Variants in MYO3B observed in about 807,000 individuals in gnomAD.
MYO3B encodes the protein myosin-IIIb.
Under a neutral mutation model 174.6 loss-of-function variants are expected in MYO3B, and 156 were observed. That is an observed-to-expected ratio of 0.89 (90% CI 0.78 to 1.02). MYO3B has a LOEUF of 1.02. MYO3B is among the 50% of genes least tolerant of loss of function. The pLI, the probability that MYO3B is intolerant of heterozygous loss-of-function variation, is 0.00. For missense variants in MYO3B, 1,632 were observed against 1,639.4 expected (o/e 1.00, Z 0.08); for synonymous variants, 563 against 569.1 (o/e 0.99, Z 0.15).
intron 25 of MYO3B, among the ~76,000 whole-genome samples, chr2:170,496,533 A>G (rs1387787424): frequency 2.0e-5 from 3 of 151,116 alleles, no homozygotes; most frequent in Admixed American, 6.6e-5. Context: ...ATGCCTTGCA[A>G]GTTTTCTAAA....
chr2:170,593,143 G>A (rs1693924455), intron 32 of MYO3B, among the ~76,000 whole-genome samples: 1 of 152,068 alleles, frequency 6.6e-6, no homozygotes, highest in African/African-American at 2.4e-5. Context: ...TGTTGCCCAG[G>A]GTGGAGTGTA....
At chr2:170,390,030 T>C (rs951957467) in intron 14 of MYO3B, among the ~76,000 whole-genome samples, 5 of 152,192 alleles carry the variant, frequency 3.3e-5, no homozygotes, top group Non-Finnish European at 7.3e-5. Flanking sequence ...GTATAGTGCC[T>C]ACCGTGACTG....
At chr2:170,187,792 G>A (rs972282622) in intron 1 of MYO3B, among the ~76,000 whole-genome samples, 12 of 152,014 alleles carry the variant, frequency 7.9e-5, no homozygotes, top group Admixed American at 7.9e-4. Flanking sequence ...AATTCCTATT[G>A]TTACTGATTT....
chr2:170,646,393 T>C (rs1400157751), intron 32 of MYO3B, among the ~76,000 whole-genome samples: 2 of 152,002 alleles, frequency 1.3e-5, no homozygotes, highest in African/African-American at 4.8e-5. Flanking sequence ...GGTTTTTTTC[T>C]GGGTTTTTTT....
chr2:170,459,301 A>G (rs753361730), intron 23 of MYO3B, among the ~76,000 whole-genome samples: 1 of 152,178 alleles, frequency 6.6e-6, no homozygotes, highest in Non-Finnish European at 1.5e-5. Context: ...CCCATTTTAC[A>G]GAGAGCTGAT....
intron 9 of MYO3B, among the ~76,000 whole-genome samples, chr2:170,380,231 G>T (rs965997706): frequency 6.6e-6 from 1 of 152,008 alleles, no homozygotes; most frequent in Non-Finnish European, 1.5e-5. Flanking sequence ...ACAGTATGTA[G>T]GACAGTTTAT....
intron 22 of MYO3B, among the ~76,000 whole-genome samples, chr2:170,435,051 T>C (rs749995305): frequency 5.3e-5 from 8 of 152,254 alleles, no homozygotes; most frequent in Non-Finnish European, 1.2e-4. Flanking sequence ...AAACTGAAAT[T>C]GGAACATGTT....
chr2:170,611,311 A>G (rs1447377149), intron 32 of MYO3B, among the ~76,000 whole-genome samples: 1 of 152,218 alleles, frequency 6.6e-6, no homozygotes, highest in Non-Finnish European at 1.5e-5. Flanking sequence ...AATGTTTTTA[A>G]GTAAATATTC....
At chr2:170,276,511 C>T (rs930211149) in intron 7 of MYO3B, among the ~76,000 whole-genome samples, 2 of 152,122 alleles carry the variant, frequency 1.3e-5, no homozygotes, top group African/African-American at 4.8e-5. Context: ...GCCTAACCGT[C>T]CTGCCATCTT....
chr2:170,211,272 G>T (rs2092767307), intron 3 of MYO3B, among the ~76,000 whole-genome samples: 3 of 152,158 alleles, frequency 2.0e-5, no homozygotes. Flanking sequence ...CCTTTTTCCA[G>T]CAAAGCAAGA....
chr2:170,223,415 T>G (rs1379042855), intron 6 of MYO3B, among the ~76,000 whole-genome samples: 2 of 152,246 alleles, frequency 1.3e-5, no homozygotes, highest in East Asian at 3.8e-4. Context: ...TTAAAAACAC[T>G]GTCATCTACC....
chr2:170,259,821 C>T (rs2093331573), intron 7 of MYO3B, among the ~76,000 whole-genome samples: 2 of 152,030 alleles, frequency 1.3e-5, no homozygotes, highest in South Asian at 4.1e-4. Flanking sequence ...TATGCATCCA[C>T]AAAGGTCAAA....
rs1575132285 is a variant in MYO3B at position 170,537,209 on chromosome 2, A to C, written c.3576-5697A>C. Among the ~76,000 whole-genome samples, 5 of 116,968 alleles carry C rather than the reference A, an allele frequency of 4.3e-5. No individual in the cohort carries two copies. In the South Asian group the frequency reaches 1.6e-3, roughly 38 times the overall value. The allele number at this position is 116,968 out of a possible 152,430, so 76.7% of individuals were successfully genotyped here. On this transcript the variant is annotated intron_variant, in intron 30 of 34. Coordinates refer to ENST00000408978, the MANE Select transcript of MYO3B (RefSeq NM_138995.5). Reference sequence around the variant, plus strand: ...GTGCGAGACTCTGTCTCAAAAAAAAAAAAAAACAAAAAACAAAAAGTATCC... The same window carrying C: ...GTGCGAGACTCTGTCTCAAAAAAAACAAAAAACAAAAAACAAAAAGTATCC...
intron 32 of MYO3B, among the ~76,000 whole-genome samples, chr2:170,551,378 T>TTATTTATC (rs1426598490): frequency 4.1e-5 from 6 of 144,940 alleles, no homozygotes; most frequent in Admixed American, 1.4e-4. Flanking sequence ...ATTTATTTAT[T>TTATTTATC]TATTTATTTT....
At chr2:170,447,645 G>A (rs968095230) in intron 23 of MYO3B, among the ~76,000 whole-genome samples, 4 of 152,220 alleles carry the variant, frequency 2.6e-5, no homozygotes, top group Non-Finnish European at 4.4e-5. Context: ...ACCACCCAGT[G>A]GGTTCATCTT....
At chr2:170,474,614 A>C (rs1368120506) in intron 25 of MYO3B, among the ~76,000 whole-genome samples, 1 of 151,490 alleles carries the variant, frequency 6.6e-6, no homozygotes, top group Non-Finnish European at 1.5e-5. Flanking sequence ...GTGGTGGCGC[A>C]TGCCTGTAAT....
intron 7 of MYO3B, among the ~76,000 whole-genome samples, chr2:170,240,844 C>G (rs1029888249): frequency 6.6e-6 from 1 of 152,124 alleles, no homozygotes; most frequent in Non-Finnish European, 1.5e-5. Context: ...ATTTATGACC[C>G]GCAAACCAGA....
chr2:170,498,396 G>A (rs1347803503), intron 25 of MYO3B, among the ~76,000 whole-genome samples, 196 bp from the exon 26 acceptor site: 1 of 152,132 alleles, frequency 6.6e-6, no homozygotes, highest in Non-Finnish European at 1.5e-5. Context: ...AATACACATT[G>A]CAGAACATAT....
At chr2:170,337,138 A>G (rs1364395434) in intron 8 of MYO3B, among the ~76,000 whole-genome samples, 1 of 152,044 alleles carries the variant, frequency 6.6e-6, no homozygotes, top group Non-Finnish European at 1.5e-5. Context: ...TGATGCTCAC[A>G]TAAGAGCAGT....
Sources: gnomAD v4.1 joint callset for allele counts (sites outside exome capture counted in the v4.1 genomes callset) on GRCh38, gnomAD v4.1.1 for gene constraint, MANE v1.5 for transcripts, NCBI Gene and HGNC (gene_info 2026-07-23, HGNC 2026-07-21) for gene names.